ZNF385B: variants seen among roughly 807,000 people sequenced by gnomAD.
ZNF385B encodes zinc finger protein 533.
ZNF385B carries 23 observed loss-of-function variants against 39.2 expected under a neutral mutation model. The ratio of observed to expected loss-of-function variants is 0.59; its 90% CI spans 0.42 to 0.83. The LOEUF (loss-of-function observed/expected upper bound fraction) is 0.83. ZNF385B is among the 40% of genes least tolerant of loss of function. ZNF385B has a pLI of 0.00. For synonymous variants in ZNF385B, 205 were observed against 222.6 expected (o/e 0.92, Z 0.70); for missense variants, 552 against 598.9 (o/e 0.92, Z 0.82).
At chr2:179,578,821 T>A (rs1280986075) in intron 3 of ZNF385B, among the ~76,000 whole-genome samples, 1 of 152,068 alleles carries the variant, frequency 6.6e-6, no homozygotes, top group Non-Finnish European at 1.5e-5. Context: ...GCATCAAGTG[T>A]GTTAACTCTT....
At chr2:179,811,989 C>T (rs2106567546) in intron 1 of ZNF385B, among the ~76,000 whole-genome samples, 1 of 152,194 alleles carries the variant, frequency 6.6e-6, no homozygotes, top group South Asian at 2.1e-4. Context: ...AAGACATGAA[C>T]AGACATTTCT....
chr2:179,784,444 TC>T (rs1295839383), intron 1 of ZNF385B, among the ~76,000 whole-genome samples: 3 of 151,904 alleles, frequency 2.0e-5, no homozygotes, highest in South Asian at 2.1e-4. Flanking sequence ...TAACATACTT[TC>T]ACATGTACCC....
chr2:179,539,168 A>T (rs1381699989), intron 4 of ZNF385B, among the ~76,000 whole-genome samples: 1 of 152,212 alleles, frequency 6.6e-6, no homozygotes. Context: ...TCAAGGTGCC[A>T]GTATGGTGGG....
At chr2:179,803,235 T>C (rs1706140836) in intron 1 of ZNF385B, among the ~76,000 whole-genome samples, 1 of 152,142 alleles carries the variant, frequency 6.6e-6, no homozygotes, top group African/African-American at 2.4e-5. Flanking sequence ...AGTAGATTAA[T>C]CTTTGTGACA....
intron 3 of ZNF385B, among the ~76,000 whole-genome samples, chr2:179,628,589 T>C (rs1220692724): frequency 6.6e-6 from 1 of 152,220 alleles, no homozygotes; most frequent in Non-Finnish European, 1.5e-5. Flanking sequence ...ATTTCTGCTG[T>C]CTTTCTTTTG....
At chr2:179,676,754 CA>C (rs1696887282) in intron 3 of ZNF385B, among the ~76,000 whole-genome samples, 1 of 152,054 alleles carries the variant, frequency 6.6e-6, no homozygotes, top group Non-Finnish European at 1.5e-5. Context: ...TTTTGTCCCT[CA>C]GGGGTCAATT....
chr2:179,457,960 G>T (rs899407473), intron 6 of ZNF385B, among the ~76,000 whole-genome samples: 2 of 152,210 alleles, frequency 1.3e-5, no homozygotes, highest in African/African-American at 4.8e-5. Context: ...TCAAACAAAG[G>T]CTTCCCGAAC....
At chr2:179,787,607 T>C (rs1181438584) in intron 1 of ZNF385B, among the ~76,000 whole-genome samples, 4 of 152,176 alleles carry the variant, frequency 2.6e-5, no homozygotes, top group Non-Finnish European at 5.9e-5. Flanking sequence ...GAATGAAAGC[T>C]TCTTGTTAGA....
intron 3 of ZNF385B, among the ~76,000 whole-genome samples, chr2:179,606,249 A>G (rs1312234042): frequency 2.6e-5 from 4 of 152,134 alleles, no homozygotes; most frequent in African/African-American, 7.2e-5. Flanking sequence ...TAGAATTTGG[A>G]AAGGACACTA....
At chr2:179,659,155 G>A (rs963197102) in intron 3 of ZNF385B, among the ~76,000 whole-genome samples, 10 of 152,180 alleles carry the variant, frequency 6.6e-5, no homozygotes, top group African/African-American at 2.2e-4. Flanking sequence ...ACAACTGTTC[G>A]AAGTATAATC....
chr2:179,785,318 T>C (rs1430542160), intron 1 of ZNF385B, among the ~76,000 whole-genome samples: 1 of 152,080 alleles, frequency 6.6e-6, no homozygotes, highest in Non-Finnish European at 1.5e-5. Flanking sequence ...ATCTATACAT[T>C]TACAACAGGC....
intron 1 of ZNF385B, among the ~76,000 whole-genome samples, chr2:179,807,079 CT>C (rs1706399017): frequency 1.3e-5 from 2 of 152,118 alleles, no homozygotes; most frequent in African/African-American, 4.8e-5. Context: ...TGAGAAAATA[CT>C]TGCCAAGGAA....
intron 3 of ZNF385B, among the ~76,000 whole-genome samples, chr2:179,655,629 G>A (rs1693673979): frequency 6.6e-6 from 1 of 151,856 alleles, no homozygotes; most frequent in Non-Finnish European, 1.5e-5. Context: ...GGTAAATTGT[G>A]GACCCTCCTT....
rs772110953 is a variant in ZNF385B, at chr2:179,544,814, T to C, written c.441+13A>G. On this transcript the variant is annotated intron_variant, in intron 4 of 9. Transcript: ENST00000410066. ...GAGGAGGACACAAATAAAATAGAAA[T>C]GAATTTACTCACTGTGTTAAAATTT... is the stretch of plus-strand genomic sequence containing the variant. 6.2e-7 allele frequency: 1 copy of C among 1,613,790 alleles called. No homozygotes were observed. The highest frequency in any genetic ancestry group is 1.1e-5 in the South Asian group (1 of 91,076).
intron 9 of ZNF385B, among the ~76,000 whole-genome samples, chr2:179,444,430 G>C (rs67886810): frequency 0.13 from 20,402 of 152,188 alleles, 2,231 homozygotes; most frequent in East Asian, 0.5. Context: ...AGAATGGAGA[G>C]AGCACACGAT....
At chr2:179,753,422 C>A (rs1702807749) in intron 3 of ZNF385B, among the ~76,000 whole-genome samples, 2 of 152,282 alleles carry the variant, frequency 1.3e-5, no homozygotes, top group South Asian at 4.1e-4. Flanking sequence ...GCAATGTGGG[C>A]TCTTTTTTGG....
intron 1 of ZNF385B, among the ~76,000 whole-genome samples, chr2:179,804,221 CAGA>C (rs1267094255): frequency 6.6e-6 from 1 of 152,180 alleles, no homozygotes; most frequent in Non-Finnish European, 1.5e-5. Flanking sequence ...TCAGCATTAC[CAGA>C]AGATGTACTC....
chr2:179,707,043 T>G (rs113391895), intron 3 of ZNF385B, among the ~76,000 whole-genome samples: 2,254 of 152,226 alleles, frequency 0.015, 62 homozygotes, highest in African/African-American at 0.05. Context: ...AGGGGTGAGA[T>G]GAGCCCATAA....
intron 3 of ZNF385B, among the ~76,000 whole-genome samples, chr2:179,738,828 A>C (rs546956980): frequency 7.2e-5 from 11 of 152,310 alleles, no homozygotes; most frequent in African/African-American, 2.2e-4. Context: ...GTTCTCACCA[A>C]GTCATTGCAG....
Sources: allele counts gnomAD v4.1 joint callset (sites outside exome capture counted in the v4.1 genomes callset), GRCh38; gene constraint gnomAD v4.1.1; transcripts MANE v1.5; gene names NCBI Gene and HGNC (gene_info 2026-07-23, HGNC 2026-07-21).